Variants in TET3 observed in about 807,000 individuals in gnomAD.
TET3 encodes methylcytosine dioxygenase TET3.
TET3 carries 19 observed loss-of-function variants against 141.4 expected under a neutral mutation model. That is an observed-to-expected ratio of 0.13 (90% CI 0.09 to 0.20). The LOEUF (loss-of-function observed/expected upper bound fraction) is 0.20, where lower values mean the gene tolerates loss of function less well. Ranked by LOEUF, TET3 falls within the 10% of genes least tolerant of loss-of-function variation. The probability of loss-of-function intolerance (pLI) is 1.00; values close to 1 mark genes in which losing one functional copy is unlikely to be tolerated. For missense variants in TET3, 1,874 were observed against 2,356.9 expected (o/e 0.80, Z 4.24); for synonymous variants, 1,043 against 980.9 (o/e 1.06, Z -1.18).
Position 74,087,364 on chromosome 2 carries a change from C to T in TET3, c.2680-466C>T, listed in dbSNP as rs953520782. Among the ~76,000 whole-genome samples, 1 of 152,032 alleles carries T rather than the reference C, an allele frequency of 6.6e-6. No individual in the cohort carries two copies. The highest frequency in any genetic ancestry group is 1.5e-5 in the Non-Finnish European group (1 of 67,990). On this transcript the variant is annotated intron_variant, in intron 6 of 11. Transcript: ENST00000409262. This position sits in a 1 kb window ranked among gnomAD's most constrained non-coding sequence, Gnocchi z 4.3. The stretch of plus-strand genomic sequence containing the variant: ...GGAATTGCTGGATCATATGGTAATC[C>T]TATGTTTAGCTTTTGGAGGCATTGC...
At chr2:73,992,305 CTT>C (rs567880207) in intron 2 of TET3, among the ~76,000 whole-genome samples, 1 of 144,074 alleles carries the variant, frequency 6.9e-6, no homozygotes, top group African/African-American at 2.6e-5. Flanking sequence ...TTTTTCTTTT[CTT>C]TTTTTTTTTT....
chr2:74,089,665 C>T (rs1449821376), intron 7 of TET3, among the ~76,000 whole-genome samples: 1 of 152,246 alleles, frequency 6.6e-6, no homozygotes, highest in African/African-American at 2.4e-5. Context: ...CAGCAACAGA[C>T]TCAGTGTTAG....
At chr2:74,017,259 A>G (rs1685777094) in intron 3 of TET3, among the ~76,000 whole-genome samples, 1 of 152,118 alleles carries the variant, frequency 6.6e-6, no homozygotes, top group Non-Finnish European at 1.5e-5. Context: ...GCTGCACTCC[A>G]CTCCACACAC....
At chr2:73,985,214 C>CG (rs745416241) in intron 1 of TET3, 57 bp downstream of exon 1, 9 of 111,430 alleles carry the variant, frequency 8.1e-5, no homozygotes, top group Non-Finnish European at 1.4e-4. Context: ...GCGGGAGGCG[C>CG]GGGGGGCCCG....
chr2:74,077,088 AG>A (rs1205696958), intron 5 of TET3, among the ~76,000 whole-genome samples: 4 of 152,226 alleles, frequency 2.6e-5, no homozygotes, highest in African/African-American at 9.6e-5. Context: ...TCTGCAGCCT[AG>A]GAGTTCATTA....
intron 8 of TET3, among the ~76,000 whole-genome samples, chr2:74,092,515 G>A (rs1465069393): frequency 1.3e-5 from 2 of 152,138 alleles, no homozygotes; most frequent in Non-Finnish European, 2.9e-5. Flanking sequence ...TGTAGCCTGG[G>A]AGGAAAGATC....
At chr2:74,066,310 G>A (rs566926649) in intron 4 of TET3, among the ~76,000 whole-genome samples, 5 of 152,080 alleles carry the variant, frequency 3.3e-5, no homozygotes, top group East Asian at 3.9e-4. Context: ...TTTAAGTACC[G>A]TATATAACAT....
In TET3 at chr2:74,101,027, C is replaced by G; in HGVS notation, c.4239C>G (p.Asp1413Glu). Residue 1413 changes from aspartate to glutamate, a missense_variant, in exon 12 of 12, where the codon GAC (aspartate) becomes GAG (glutamate). Physicochemically the swap from Asp to Glu is conservative, Grantham distance 45. Transcript: ENST00000409262. This position sits in a 1 kb window ranked among gnomAD's most constrained non-coding sequence, Gnocchi z 8.5. ...CCCAGGCTGAGCCTGTGCCCAGAGA[C>G]GCTGGCAAGATGGGCAAGACACCTC... The part of the protein sequence containing the change: ...PLTQAEPVPR[D>E]AGKMGKTPLS... The G allele has an allele frequency of 2.5e-6, 4 of 1,613,100 alleles. No homozygotes were observed. The highest frequency in any genetic ancestry group is 3.4e-6 in the Non-Finnish European group (4 of 1,179,504).
Position 74,107,806 on chromosome 2 carries a change from G to T in TET3, c.*5630G>T, listed in dbSNP as rs1383349217. The T allele has an allele frequency of 1.3e-5, 2 of 152,120 alleles. No homozygotes were observed. Among genetic ancestry groups the T allele is most frequent in the African/African-American group, 4.8e-5 (2 of 41,404 alleles). 9.4% of individuals were successfully genotyped at this position (152,120 alleles called of 1,614,324 possible). Reference sequence around the variant, plus strand: ...GCTACTTGAAATGAAGTTTATCTGGGGTTGATGGATGAATGGTAGATTTTT... The same window carrying T: ...GCTACTTGAAATGAAGTTTATCTGGTGTTGATGGATGAATGGTAGATTTTT... On this transcript the variant is annotated 3_prime_UTR_variant, in exon 12 of 12. Coordinates refer to ENST00000409262, the MANE Select transcript of TET3 (RefSeq NM_001287491.2).
the TET3 span, among the ~76,000 whole-genome samples, chr2:74,131,796 G>A: frequency 2.6e-5 from 4 of 152,060 alleles, no homozygotes; most frequent in African/African-American, 7.2e-5. Context: ...TACATCCGAT[G>A]CAATGCTATA....
chr2:74,004,109 A>G (rs755716988), intron 3 of TET3, among the ~76,000 whole-genome samples: 1 of 152,072 alleles, frequency 6.6e-6, no homozygotes, highest in Non-Finnish European at 1.5e-5. Context: ...CCAAGAGCAG[A>G]GAGGCTGGAA....
At chr2:74,025,671 C>T (rs1256893315) in intron 3 of TET3, among the ~76,000 whole-genome samples, 1 of 152,198 alleles carries the variant, frequency 6.6e-6, no homozygotes, top group Non-Finnish European at 1.5e-5. Context: ...CCTAGGCTTA[C>T]TTAAATTTTA....
At position 74,093,507 on chromosome 2, in the gene TET3, C is replaced by T. The variant is rs2104128533; in HGVS notation, c.3130-22C>T. The T allele has an allele frequency of 6.3e-7, 1 of 1,582,960 alleles. No individual in the cohort carries two copies. The highest frequency in any genetic ancestry group is 2.3e-5 in the East Asian group (1 of 44,234). On this transcript the variant is annotated intron_variant, in intron 9 of 11. Coordinates refer to ENST00000409262, the MANE Select transcript of TET3 (RefSeq NM_001287491.2). This position sits in a 1 kb window ranked among gnomAD's most constrained non-coding sequence, Gnocchi z 4.2. ...CACTCACCTCAGGTCATGTGAGCACCTCTCCTTGGCTGTCTACACAGGTGA... is the reference window on the plus strand; with the variant it reads ...CACTCACCTCAGGTCATGTGAGCACTTCTCCTTGGCTGTCTACACAGGTGA...
intron 4 of TET3, among the ~76,000 whole-genome samples, chr2:74,064,494 G>C (rs1368162317): frequency 1.3e-5 from 2 of 152,118 alleles, no homozygotes; most frequent in Non-Finnish European, 2.9e-5. Flanking sequence ...CTGCCTCCCA[G>C]GCTCAAGTGA....
At chr2:74,006,615 G>C (rs1685162136) in intron 3 of TET3, among the ~76,000 whole-genome samples, 1 of 152,206 alleles carries the variant, frequency 6.6e-6, no homozygotes, top group Admixed American at 6.5e-5. Flanking sequence ...GCTAGAAATG[G>C]GCTTTGTGGT....
In TET3 at chr2:74,100,676, C is replaced by T. The variant is rs753735338; in HGVS notation, c.3888C>T (p.Phe1296=). The T allele has an allele frequency of 8.7e-6, 14 of 1,614,060 alleles. No homozygotes were observed. The South Asian group carries it at 1.2e-4, about 14-fold the overall frequency. Residue 1296 remains phenylalanine, a synonymous_variant, in exon 12 of 12, where the codon TTC becomes TTT. Coordinates refer to ENST00000409262, the MANE Select transcript of TET3 (RefSeq NM_001287491.2). ...YYGFPSSNPV[F]PSQFLGPGAW... is the part of the protein sequence containing the mutation. Reference sequence around the variant, plus strand: ...GCTTTCCATCCAGCAACCCCGTCTTCCCCTCTCAGTTCCTGGGTCCTGGTG... The same window carrying T: ...GCTTTCCATCCAGCAACCCCGTCTTTCCCTCTCAGTTCCTGGGTCCTGGTG...
At chr2:74,076,177 T>C (rs1247773566) in intron 5 of TET3, among the ~76,000 whole-genome samples, 1 of 152,104 alleles carries the variant, frequency 6.6e-6, no homozygotes, top group South Asian at 2.1e-4. Flanking sequence ...TTTTACCCCC[T>C]GATTCTTTAA....
At chr2:74,023,133 A>G (rs968917872) in intron 3 of TET3, among the ~76,000 whole-genome samples, 2 of 152,118 alleles carry the variant, frequency 1.3e-5, no homozygotes, top group African/African-American at 4.8e-5. Context: ...CTTGGACCAC[A>G]TTTTTGAGTA....
chr2:74,075,840 A>G (rs1016957914), intron 5 of TET3, among the ~76,000 whole-genome samples: 8 of 152,184 alleles, frequency 5.3e-5, no homozygotes, highest in African/African-American at 1.7e-4. Context: ...CATGAGCATG[A>G]GACAGATTTG....
Sources: gnomAD v4.1 joint callset for allele counts (sites outside exome capture counted in the v4.1 genomes callset) on GRCh38, gnomAD v4.1.1 for gene constraint, Gnocchi (gnomAD v3.1) non-coding constraint, MANE v1.5 for transcripts, NCBI Gene and HGNC (gene_info 2026-07-23, HGNC 2026-07-21) for gene names.